The following KDM4A variants were observed in gnomAD, a reference collection of about 807,000 sequenced individuals.
KDM4A encodes the protein lysine-specific demethylase 4A.
Under a neutral mutation model 127.1 loss-of-function variants are expected in KDM4A, and 23 were observed. That is an observed-to-expected ratio of 0.18 (90% CI 0.13 to 0.26). The LOEUF is 0.26. Ranked by LOEUF, KDM4A falls within the 10% of genes least tolerant of loss-of-function variation. The probability of loss-of-function intolerance (pLI) is 1.00; values close to 1 mark genes in which losing one functional copy is unlikely to be tolerated. For missense variants in KDM4A, 890 were observed against 1,329.1 expected (o/e 0.67, Z 5.14); for synonymous variants, 443 against 466.5 (o/e 0.95, Z 0.65).
chr1:43,704,221 C>T lies in KDM4A; in HGVS notation c.3055-9C>T. 1 of 1,613,892 alleles carries T rather than the reference C, an allele frequency of 6.2e-7. No individual in the cohort carries two copies. ...GTAGCTGACACTTGGCTTGCTTATTCTTCTATAGTCAGTAGCCTCAGACAT... is the reference window on the plus strand; with the variant it reads ...GTAGCTGACACTTGGCTTGCTTATTTTTCTATAGTCAGTAGCCTCAGACAT... On this transcript the variant is annotated splice_polypyrimidine_tract_variant and intron_variant, in intron 21 of 21. Transcript: ENST00000372396.
intron 5 of KDM4A, 75 bp from the exon 6 acceptor site, chr1:43,665,621 T>C: frequency 2.1e-6 from 3 of 1,410,212 alleles, no homozygotes; most frequent in Non-Finnish European, 3.0e-6. Flanking sequence ...TCAAGGTGTT[T>C]TGAGAGTGGG....
chr1:43,666,426 T>C, intron 6 of KDM4A, 26 bp from the exon 7 acceptor site: 1 of 1,593,690 alleles, frequency 6.3e-7, no homozygotes, highest in South Asian at 1.1e-5. Context: ...AGCACTGTGT[T>C]AACCTGTACC....
At chr1:43,685,734 C>T (rs1312518527) in intron 12 of KDM4A, among the ~76,000 whole-genome samples, 1 of 151,934 alleles carries the variant, frequency 6.6e-6, no homozygotes, top group Non-Finnish European at 1.5e-5. Flanking sequence ...TGCCACTGCA[C>T]TCCAGCCTGG....
In KDM4A at chr1:43,683,764, C is replaced by T. The variant is rs959615827; in HGVS notation, c.1815C>T (p.Arg605=). 1 of 1,614,122 alleles carries T rather than the reference C, an allele frequency of 6.2e-7. No individual in the cohort carries two copies. Among genetic ancestry groups the T allele is most frequent in the Non-Finnish European group, 8.5e-7 (1 of 1,180,026 alleles). The change falls in exon 12 of 22, where the codon CGC becomes CGT. Residue 605 remains arginine, a synonymous_variant. Coordinates refer to ENST00000372396, the MANE Select transcript of KDM4A (RefSeq NM_014663.3). ...GRRQPLSKLP[R]HHPLVLQECV... Reference sequence around the variant, plus strand: ...GTCAGCCTTTAAGCAAGCTCCCCCGCCATCACCCACTTGTGCTGCAGGAGT... The same window carrying T: ...GTCAGCCTTTAAGCAAGCTCCCCCGTCATCACCCACTTGTGCTGCAGGAGT...
chr1:43,659,364 G>A (rs550097861), intron 3 of KDM4A, among the ~76,000 whole-genome samples: 1 of 152,116 alleles, frequency 6.6e-6, no homozygotes, highest in Non-Finnish European at 1.5e-5. Flanking sequence ...AGGCTGGAGT[G>A]CAGTGGCGTT....
At position 43,665,270 on chromosome 1, in the gene KDM4A, TTTTCCA is replaced by T. The variant is rs148557524; in HGVS notation, c.624-424_624-419del. Among the ~76,000 whole-genome samples, 319 of 152,254 alleles carry T rather than the reference TTTTCCA, an allele frequency of 2.1e-3. 1 individual carries two copies. The highest frequency in any genetic ancestry group is 7.4e-3 in the African/African-American group (306 of 41,554). The stretch of plus-strand genomic sequence containing the variant: ...AGTGTCAGATCCATCTTTCACTTTG[TTTTCCA>T]TCTTCCTCTTGCCTGCCCCCAGTTA... On this transcript the variant is annotated intron_variant, in intron 5 of 21. Transcript: ENST00000372396.
Position 43,697,868 on chromosome 1 carries a change from T to C in KDM4A, c.2696T>C (p.Ile899Thr). Residue 899 changes from isoleucine (I) to threonine (T), a missense_variant, in exon 19 of 22, where the codon ATC (isoleucine) becomes ACC (threonine). Transcript: ENST00000372396. ...CGTGCCAAGGGGGCCTTGCAAAGCA[T>C]CACTGCAGGCCAGAAAGTCATTAGC... Reference protein sequence around the residue: ...LERAKGALQSITAGQKVISKH... With the variant: ...LERAKGALQSTTAGQKVISKH... 1 of 1,613,682 alleles carries C rather than the reference T, an allele frequency of 6.2e-7. No homozygotes were observed. The highest frequency in any genetic ancestry group is 1.3e-5 in the African/African-American group (1 of 74,936).
intron 3 of KDM4A, among the ~76,000 whole-genome samples, chr1:43,657,762 T>G (rs1660280319): frequency 1.3e-5 from 2 of 149,136 alleles, no homozygotes; most frequent in South Asian, 4.3e-4. Flanking sequence ...TTTTTTTTTT[T>G]TTTTTTGAGA....
At chr1:43,697,148 C>G (rs890693363) in intron 18 of KDM4A, among the ~76,000 whole-genome samples, 2 of 152,170 alleles carry the variant, frequency 1.3e-5, no homozygotes, top group Non-Finnish European at 2.9e-5. Flanking sequence ...TGTCGAAGCC[C>G]TGGGTGGCAG....
chr1:43,667,327 C>T (rs1329419563), intron 8 of KDM4A, among the ~76,000 whole-genome samples: 1 of 152,170 alleles, frequency 6.6e-6, no homozygotes. Flanking sequence ...ACCACATCCA[C>T]ACACGTTAAT....
chr1:43,668,547 AG>A (rs1200373247), intron 9 of KDM4A, among the ~76,000 whole-genome samples: 5 of 152,296 alleles, frequency 3.3e-5, no homozygotes, highest in African/African-American at 1.2e-4. Context: ...GTGGGCGTGT[AG>A]TCTGCTGGAG....
intron 3 of KDM4A, among the ~76,000 whole-genome samples, chr1:43,659,140 T>C (rs547775451): frequency 3.3e-5 from 5 of 151,976 alleles, no homozygotes; most frequent in Admixed American, 2.0e-4. Flanking sequence ...CTACAAAAAA[T>C]AAAAACACCA....
At chr1:43,657,628 T>C (rs1050984524) in intron 3 of KDM4A, among the ~76,000 whole-genome samples, 1 of 152,216 alleles carries the variant, frequency 6.6e-6, no homozygotes, top group Non-Finnish European at 1.5e-5. Context: ...GCCATCCTTA[T>C]TGTCTGATTT....
chr1:43,699,102 T>A (rs115608501), intron 19 of KDM4A, among the ~76,000 whole-genome samples: 2,191 of 150,548 alleles, frequency 0.015, 45 homozygotes, highest in African/African-American at 0.051. Flanking sequence ...TTTTTTTTTT[T>A]TTTTTTTTGA....
intron 10 of KDM4A, among the ~76,000 whole-genome samples, chr1:43,670,751 C>T (rs1273042641): frequency 2.6e-5 from 4 of 151,998 alleles, no homozygotes; most frequent in East Asian, 1.9e-4. Context: ...TTAGTAGAGA[C>T]GGGGTTTCAC....
In KDM4A at chr1:43,690,898, C is replaced by T; in HGVS notation, c.2091C>T (p.Pro697=). 1 of 1,614,182 alleles carries T rather than the reference C, an allele frequency of 6.2e-7. No homozygotes were observed. Among genetic ancestry groups the T allele is most frequent in the Non-Finnish European group, 8.5e-7 (1 of 1,180,026 alleles). Reference sequence around the variant, plus strand: ...GTGGAAATGCTTCAGATTTAGCCCCCCAGAAGCAGAGGACCAAGCCATTGA... The same window carrying T: ...GTGGAAATGCTTCAGATTTAGCCCCTCAGAAGCAGAGGACCAAGCCATTGA... The part of the protein sequence containing the change: ...QNCGNASDLA[P]QKQRTKPLIP... The change falls in exon 14 of 22, where the codon CCC becomes CCT. Residue 697 remains proline (P), a synonymous_variant. Transcript: ENST00000372396.
chr1:43,666,825 G>T, intron 7 of KDM4A, 129 bp from the exon 8 acceptor site: 1 of 879,350 alleles, frequency 1.1e-6, no homozygotes. Flanking sequence ...TTTTATAGAA[G>T]ACAGCAAGGA....
At chr1:43,685,357 G>C (rs1039677945) in intron 12 of KDM4A, among the ~76,000 whole-genome samples, 18 of 152,050 alleles carry the variant, frequency 1.2e-4, no homozygotes, top group Non-Finnish European at 2.1e-4. Flanking sequence ...CCTTCAGGGA[G>C]AGCAGAGTCA....
In KDM4A at chr1:43,667,094, A is replaced by G. The variant is rs1343519042; in HGVS notation, c.915+3A>G. 6 of 1,613,980 alleles carry G rather than the reference A, an allele frequency of 3.7e-6. No homozygotes were observed. Among genetic ancestry groups the G allele is most frequent in the Non-Finnish European group, 5.1e-6 (6 of 1,180,022 alleles). ...AGTACGGCAAGCAAGCTGTGCTGGT[A>G]AGTCTGCTTGATTTCTTTCTATAAC... On this transcript the variant is annotated splice_donor_region_variant and intron_variant, in intron 8 of 21. Coordinates refer to ENST00000372396, the MANE Select transcript of KDM4A (RefSeq NM_014663.3).
Sources: gnomAD v4.1 joint callset for allele counts (sites outside exome capture counted in the v4.1 genomes callset) on GRCh38, gnomAD v4.1.1 for gene constraint, MANE v1.5 for transcripts, NCBI Gene and HGNC (gene_info 2026-07-23, HGNC 2026-07-21) for gene names.